Variants in HSD17B11 observed in about 807,000 individuals in gnomAD.
The protein encoded by HSD17B11 is estradiol 17-beta-dehydrogenase 11.
HSD17B11 carries 22 observed loss-of-function variants against 27.8 expected under a neutral mutation model. That is an observed-to-expected ratio of 0.79 (90% CI 0.56 to 1.13). HSD17B11 has a LOEUF of 1.13. HSD17B11 is among the 50% of genes most tolerant of loss of function. The probability of loss-of-function intolerance (pLI) is 0.00; values close to 1 mark genes in which losing one functional copy is unlikely to be tolerated. For synonymous variants in HSD17B11, 117 were observed against 132.8 expected (o/e 0.88, Z 0.82); for missense variants, 314 against 351.1 (o/e 0.89, Z 0.84).
At chr4:87,381,321 TA>T (rs1201145482) in intron 2 of HSD17B11, among the ~76,000 whole-genome samples, 2 of 152,150 alleles carry the variant, frequency 1.3e-5, no homozygotes, top group African/African-American at 4.8e-5. Flanking sequence ...ATGTGTATTT[TA>T]AGGAATCTGC....
intron 5 of HSD17B11, among the ~76,000 whole-genome samples, chr4:87,341,325 C>T (rs1735162744): frequency 6.6e-6 from 1 of 152,070 alleles, no homozygotes; most frequent in Non-Finnish European, 1.5e-5. Context: ...ATGTACGCCA[C>T]CACTCCAGGC....
At chr4:87,379,891 C>A (rs997632795) in intron 2 of HSD17B11, among the ~76,000 whole-genome samples, 47 of 142,622 alleles carry the variant, frequency 3.3e-4, no homozygotes, top group African/African-American at 1.0e-3. Flanking sequence ...TATTATACAG[C>A]ACATCTCATA....
intron 4 of HSD17B11, among the ~76,000 whole-genome samples, chr4:87,369,429 A>ATTC (rs111807963): frequency 0.16 from 22,902 of 142,484 alleles, 1,869 homozygotes; most frequent in Admixed American, 0.19. Context: ...CTTATTCCAA[A>ATTC]TTCTTTTTTT....
chr4:87,340,690 G>A, intron 5 of HSD17B11, 84 bp from the exon 6 acceptor site: 1 of 827,700 alleles, frequency 1.2e-6, no homozygotes, highest in Admixed American at 2.1e-5. Context: ...GCTTTAGTAT[G>A]GTACAGACAC....
intron 5 of HSD17B11, among the ~76,000 whole-genome samples, chr4:87,341,570 A>G (rs574978582): frequency 6.6e-6 from 1 of 152,294 alleles, no homozygotes; most frequent in East Asian, 1.9e-4. Context: ...AGTGGGTTTT[A>G]GGCTGGGTGT....
rs138980474 is a variant in HSD17B11 at position 87,336,976 on chromosome 4, T to C, written c.*300A>G. The stretch of plus-strand genomic sequence containing the variant: ...TTAAATAAACGGTTATGGTACAAAT[T>C]TTGCAAAGCCTTCAGGTGAGCCACA... On this transcript the variant is annotated 3_prime_UTR_variant, in exon 7 of 7. Coordinates refer to ENST00000358290, the MANE Select transcript of HSD17B11 (RefSeq NM_016245.5). 509 of 260,124 alleles carry C rather than the reference T, an allele frequency of 2.0e-3. 2 individuals are homozygous for C. The highest frequency in any genetic ancestry group is 0.01 in the African/African-American group (461 of 44,626). The allele number at this position is 260,124 out of a possible 1,614,324, so 16.1% of individuals were successfully genotyped here.
At chr4:87,369,286 T>G (rs970215637) in intron 4 of HSD17B11, among the ~76,000 whole-genome samples, 1 of 152,196 alleles carries the variant, frequency 6.6e-6, no homozygotes, top group African/African-American at 2.4e-5. Context: ...CATATATATA[T>G]ATGAAAGCTA....
At chr4:87,372,559 C>A in intron 4 of HSD17B11, 150 bp downstream of exon 4, 1 of 589,336 alleles carries the variant, frequency 1.7e-6, no homozygotes, top group Non-Finnish European at 3.0e-6. Context: ...TTGTGCAACT[C>A]TTTCTGCTTA....
chr4:87,372,129 GC>G (rs1374522543), intron 4 of HSD17B11, among the ~76,000 whole-genome samples: 2 of 151,604 alleles, frequency 1.3e-5, no homozygotes, highest in Admixed American at 1.3e-4. Context: ...TGTAGTCCCA[GC>G]TATTTGGGAG....
At chr4:87,353,353 T>C (rs148697554) in intron 5 of HSD17B11, among the ~76,000 whole-genome samples, 62 of 152,354 alleles carry the variant, frequency 4.1e-4, no homozygotes, top group African/African-American at 1.0e-3. Flanking sequence ...AAAAGTATTG[T>C]TGTGAGGTTT....
chr4:87,357,151 C>T (rs1735403207), intron 5 of HSD17B11, 128 bp downstream of exon 5: 2 of 1,032,506 alleles, frequency 1.9e-6, no homozygotes, highest in Admixed American at 3.6e-5. Context: ...TCTGCAGAAA[C>T]TGAAATCAAA....
intron 2 of HSD17B11, among the ~76,000 whole-genome samples, chr4:87,375,637 A>G (rs566771553): frequency 6.6e-6 from 1 of 152,316 alleles, no homozygotes; most frequent in Non-Finnish European, 1.5e-5. Flanking sequence ...GCTACTCAGG[A>G]GGCTGAGGCA....
intron 4 of HSD17B11, among the ~76,000 whole-genome samples, chr4:87,371,047 C>T (rs62319096): frequency 0.2 from 28,668 of 142,934 alleles, 3,983 homozygotes; most frequent in African/African-American, 0.37. Context: ...CCACCGCGCC[C>T]GGCCTATTAT....
intron 2 of HSD17B11, among the ~76,000 whole-genome samples, chr4:87,378,304 A>T (rs1735884876): frequency 6.6e-6 from 1 of 152,152 alleles, no homozygotes; most frequent in Non-Finnish European, 1.5e-5. Flanking sequence ...TCCCCAGGAT[A>T]TGAATGTCTG....
At chr4:87,386,843 C>T (rs2110135049) in intron 1 of HSD17B11, 1 of 152,260 alleles carries the variant, frequency 6.6e-6, no homozygotes, top group African/African-American at 2.4e-5. Context: ...ATTATATGCT[C>T]ACCACTTACT....
chr4:87,380,849 GC>G (rs1720138519), intron 2 of HSD17B11, among the ~76,000 whole-genome samples: 1 of 102,850 alleles, frequency 9.7e-6, no homozygotes, highest in South Asian at 3.6e-4. Context: ...CAAAGCTAGA[GC>G]TAGACTCTAT....
chr4:87,386,204 C>CT (rs58328540), intron 1 of HSD17B11, among the ~76,000 whole-genome samples: 47,794 of 143,862 alleles, frequency 0.33, 8,566 homozygotes, highest in African/African-American at 0.45. Flanking sequence ...AATTGTGAAA[C>CT]TTTTTTTTTT....
intron 5 of HSD17B11, among the ~76,000 whole-genome samples, chr4:87,354,001 A>G (rs377023522): frequency 1.4e-3 from 213 of 152,252 alleles, no homozygotes; most frequent in African/African-American, 4.7e-3. Flanking sequence ...TCAGACTCCA[A>G]TTAGGGTTCT....
In HSD17B11 at chr4:87,337,248, G is replaced by A. The variant is rs775777322; in HGVS notation, c.*28C>T. On this transcript the variant is annotated 3_prime_UTR_variant, in exon 7 of 7. Coordinates refer to ENST00000358290, the MANE Select transcript of HSD17B11 (RefSeq NM_016245.5). ...ATTAGATGACATCAACCTAAACCTG[G>A]TAAATCAGTTTTCAGAAAACTAGGT... 1 of 1,381,654 alleles carries A rather than the reference G, an allele frequency of 7.2e-7. No homozygotes were observed. The highest frequency in any genetic ancestry group is 2.3e-5 in the East Asian group (1 of 43,572). The allele number at this position is 1,381,654 out of a possible 1,614,324, so 85.6% of individuals were successfully genotyped here. A position where few individuals can be genotyped will look rare whatever the true frequency, so the allele number is the denominator to read the frequency against.
Sources: allele counts gnomAD v4.1 joint callset (sites outside exome capture counted in the v4.1 genomes callset), GRCh38; gene constraint gnomAD v4.1.1; transcripts MANE v1.5; gene names NCBI Gene and HGNC (gene_info 2026-07-23, HGNC 2026-07-21).